The following MALRD1 variants were observed in gnomAD, a reference collection of about 807,000 sequenced individuals.
The protein encoded by MALRD1 is MAM and LDL receptor class A domain containing 1, also known as MAM and LDL-receptor class A domain-containing protein 1.
Under a neutral mutation model 242.1 loss-of-function variants are expected in MALRD1, and 247 were observed. That is an observed-to-expected ratio of 1.02 (90% confidence interval 0.92 to 1.13). The LOEUF is 1.13. MALRD1 is among the 50% of genes most tolerant of loss of function. The pLI, the probability that MALRD1 is intolerant of heterozygous loss-of-function variation, is 0.00. For synonymous variants in MALRD1, 995 were observed against 866.6 expected, an observed-to-expected ratio of 1.15 and a Z score of -2.60; for missense variants, 2,989 against 2,533.1, an observed-to-expected ratio of 1.18 and a Z score of -3.86.
intron 34 of MALRD1, among the ~76,000 whole-genome samples, chr10:19,602,978 G>T (rs1407157416): frequency 6.6e-6 from 1 of 152,110 alleles, no homozygotes; most frequent in Admixed American, 6.6e-5. Context: ...GTGTCTGTTG[G>T]CTGCATAAAT....
chr10:19,526,961 A>T (rs533952398), intron 31 of MALRD1, among the ~76,000 whole-genome samples: 1 of 152,274 alleles, frequency 6.6e-6, no homozygotes, highest in African/African-American at 2.4e-5. Context: ...GTTCAGTCTG[A>T]TTTCAAGGTT....
intron 29 of MALRD1, among the ~76,000 whole-genome samples, chr10:19,473,045 C>G (rs914527325): frequency 7.3e-5 from 11 of 149,884 alleles, no homozygotes; most frequent in Non-Finnish European, 1.5e-4. Context: ...TCAACGGAAA[C>G]TGAAGCTAAA....
At chr10:19,687,612 C>T (rs1280653652) in intron 36 of MALRD1, among the ~76,000 whole-genome samples, 1 of 152,154 alleles carries the variant, frequency 6.6e-6, no homozygotes, top group Non-Finnish European at 1.5e-5. Context: ...ATAAAAATAC[C>T]CAACACACCA....
At chr10:19,361,080 C>T (rs985112521) in intron 26 of MALRD1, among the ~76,000 whole-genome samples, 1 of 152,026 alleles carries the variant, frequency 6.6e-6, no homozygotes, top group East Asian at 1.9e-4. Flanking sequence ...CAGCCATTCT[C>T]TTCTGTTTCT....
intron 18 of MALRD1, among the ~76,000 whole-genome samples, chr10:19,211,601 C>T (rs1000140504): frequency 5.0e-5 from 7 of 140,694 alleles, no homozygotes; most frequent in Non-Finnish European, 7.5e-5. Context: ...GCAGGATAAT[C>T]GCTTGAACCC....
At chr10:19,536,275 C>T (rs1398163853) in intron 32 of MALRD1, among the ~76,000 whole-genome samples, 2 of 152,062 alleles carry the variant, frequency 1.3e-5, no homozygotes, top group Non-Finnish European at 2.9e-5. Context: ...ATCTGTGACT[C>T]AGCTTCCCGC....
Position 19,283,035 on chromosome 10 carries a change from C to G in MALRD1, c.3273C>G (p.Ser1091Arg). The G allele has an allele frequency of 6.5e-7, 1 of 1,545,622 alleles. No individual in the cohort carries two copies. Among genetic ancestry groups the G allele is most frequent in the Non-Finnish European group, 8.7e-7 (1 of 1,144,146 alleles). ...CCATCCAAGTTATGGAAGTTTGCAGCTTTGAGAAAAGAAGCCTGTGTAAAT... is the reference window on the plus strand; with the variant it reads ...CCATCCAAGTTATGGAAGTTTGCAGGTTTGAGAAAAGAAGCCTGTGTAAAT... ...DEASCVMEVC[S>R]FEKRSLCKWY... is the part of the protein sequence containing the mutation. Residue 1091 changes from serine (S) to arginine (R), a missense_variant, in exon 21 of 40, where the codon AGC (serine) becomes AGG (arginine). Physicochemically the swap from Ser to Arg is moderately radical, Grantham distance 110. Coordinates refer to ENST00000454679, the MANE Select transcript of MALRD1 (RefSeq NM_001142308.3).
At chr10:19,402,744 C>G (rs1846925303) in intron 28 of MALRD1, among the ~76,000 whole-genome samples, 1 of 152,116 alleles carries the variant, frequency 6.6e-6, no homozygotes, top group South Asian at 2.1e-4. Context: ...CTTATTTGTG[C>G]CTTTTTCTTA....
intron 24 of MALRD1, among the ~76,000 whole-genome samples, chr10:19,333,457 T>C (rs1207126098): frequency 6.6e-6 from 1 of 152,196 alleles, no homozygotes; most frequent in Non-Finnish European, 1.5e-5. Context: ...TGTGTCCATG[T>C]TGATGCAAAG....
intron 17 of MALRD1, 51 bp from the exon 18 acceptor site, chr10:19,209,217 A>T: frequency 1.4e-6 from 2 of 1,398,762 alleles, no homozygotes; most frequent in Non-Finnish European, 1.9e-6. Flanking sequence ...ATGTGGTTGC[A>T]TGTATTTTTG....
chr10:19,209,426 T>C lies in MALRD1; in HGVS notation c.2737T>C (p.Tyr913His), dbSNP rs1041841216. Residue 913 changes from tyrosine to histidine, a missense_variant, in exon 18 of 40, where the codon TAC becomes CAC. By Grantham distance (83) the Tyr-to-His change is moderately conservative. Transcript: ENST00000454679. ...TLGTAKGHYL[Y>H]IESSEPQAFQ... is the part of the protein sequence containing the mutation. ...GGGCACAGCTAAAGGACACTATCTC[T>C]ACATAGAATCTTCAGAGCCACAGGC... 2.6e-6 allele frequency: 4 copies of C among 1,550,400 alleles called. No individual in the cohort carries two copies. In the African/African-American group the frequency reaches 5.5e-5, roughly 21 times the overall value.
At chr10:19,285,392 C>T (rs1463395402) in intron 21 of MALRD1, among the ~76,000 whole-genome samples, 6 of 147,020 alleles carry the variant, frequency 4.1e-5, no homozygotes, top group South Asian at 2.2e-4. Context: ...TTAGGTCTAA[C>T]GTTTAAATCT....
intron 19 of MALRD1, among the ~76,000 whole-genome samples, chr10:19,262,189 A>G (rs1200979533): frequency 6.6e-6 from 1 of 152,084 alleles, no homozygotes; most frequent in South Asian, 2.1e-4. Flanking sequence ...AATATTGTTA[A>G]TTTATTTTTC....
intron 36 of MALRD1, among the ~76,000 whole-genome samples, chr10:19,674,392 G>A (rs1038562960): frequency 2.0e-5 from 3 of 152,112 alleles, no homozygotes; most frequent in African/African-American, 7.2e-5. Flanking sequence ...AAAATTTCCT[G>A]TTTTAGTTGA....
At chr10:19,449,301 C>A (rs942599961) in intron 28 of MALRD1, among the ~76,000 whole-genome samples, 2 of 152,164 alleles carry the variant, frequency 1.3e-5, no homozygotes, top group Non-Finnish European at 2.9e-5. Flanking sequence ...CTCAGTCTCC[C>A]AAGTAGCTGG....
intron 26 of MALRD1, among the ~76,000 whole-genome samples, chr10:19,381,362 A>G (rs919332939): frequency 1.0e-3 from 159 of 151,886 alleles, no homozygotes; most frequent in Admixed American, 6.6e-4. Flanking sequence ...TAATGCCGCA[A>G]TAAACATACG....
At chr10:19,691,460 T>C (rs1842816829) in intron 36 of MALRD1, among the ~76,000 whole-genome samples, 1 of 152,114 alleles carries the variant, frequency 6.6e-6, no homozygotes, top group Non-Finnish European at 1.5e-5. Flanking sequence ...ATTCAAAAGC[T>C]ACGTTTTCAT....
chr10:19,548,309 A>T (rs1275794723), intron 32 of MALRD1, among the ~76,000 whole-genome samples: 3 of 152,002 alleles, frequency 2.0e-5, no homozygotes, highest in African/African-American at 7.2e-5. Flanking sequence ...TACTTGAGTC[A>T]TTCGATGGGT....
At chr10:19,616,348 C>A (rs1235931893) in intron 36 of MALRD1, among the ~76,000 whole-genome samples, 1 of 151,860 alleles carries the variant, frequency 6.6e-6, no homozygotes, top group African/African-American at 2.4e-5. Flanking sequence ...AAATCATTTG[C>A]TGGTTTATGC....
Sources: gnomAD v4.1 joint callset for allele counts (sites outside exome capture counted in the v4.1 genomes callset) on GRCh38, gnomAD v4.1.1 for gene constraint, MANE v1.5 for transcripts, NCBI Gene and HGNC (gene_info 2026-07-23, HGNC 2026-07-21) for gene names.